Variants in HTR1E observed in about 807,000 individuals in gnomAD.
HTR1E encodes the protein 5-hydroxytryptamine receptor 1E.
HTR1E carries 3 observed loss-of-function variants against 3.4 expected under a neutral mutation model. The ratio of observed to expected loss-of-function variants is 0.89; its 90% confidence interval spans 0.41 to 2.31. The LOEUF (loss-of-function observed/expected upper bound fraction) is 2.31. Among genes scored for constraint, HTR1E ranks in the 30% most tolerant of loss-of-function variants. The pLI is 0.05. For synonymous variants in HTR1E, 170 were observed against 182.8 expected (o/e 0.93, Z 0.56); for missense variants, 392 against 467.0 (o/e 0.84, Z 1.48).
intron 1 of HTR1E, among the ~76,000 whole-genome samples, chr6:86,995,091 G>A (rs968640182): frequency 6.6e-6 from 1 of 151,838 alleles, no homozygotes; most frequent in South Asian, 2.1e-4. Context: ...GAAAACAAAT[G>A]AAAACCAAAA....
chr6:87,013,511 A>T (rs958684328), intron 1 of HTR1E, among the ~76,000 whole-genome samples: 1 of 152,176 alleles, frequency 6.6e-6, no homozygotes, highest in East Asian at 1.9e-4. Flanking sequence ...AACTTTCCAA[A>T]GTGCTGGGAT....
chr6:86,994,918 A>G (rs1280756947), intron 1 of HTR1E, among the ~76,000 whole-genome samples: 5 of 152,024 alleles, frequency 3.3e-5, no homozygotes, highest in Non-Finnish European at 7.4e-5. Context: ...AACAGATGGG[A>G]TAAGTTGTGT....
intron 1 of HTR1E, among the ~76,000 whole-genome samples, chr6:86,951,975 T>G (rs760374539): frequency 3.9e-5 from 6 of 152,198 alleles, no homozygotes; most frequent in Non-Finnish European, 8.8e-5. Context: ...AACTGCTTCC[T>G]CACTGATGTG....
chr6:86,976,552 C>T (rs1385805784), intron 1 of HTR1E, among the ~76,000 whole-genome samples: 1 of 152,210 alleles, frequency 6.6e-6, no homozygotes, highest in Non-Finnish European at 1.5e-5. Flanking sequence ...CAGTTTTGGA[C>T]ACCACACATC....
chr6:86,974,132 AT>A (rs199638573), intron 1 of HTR1E, among the ~76,000 whole-genome samples: 1 of 152,064 alleles, frequency 6.6e-6, no homozygotes, highest in East Asian at 1.9e-4. Flanking sequence ...GTATGTATAT[AT>A]TTTTTTATTT....
chr6:87,002,959 C>T (rs557500253), intron 1 of HTR1E, among the ~76,000 whole-genome samples: 1 of 152,198 alleles, frequency 6.6e-6, no homozygotes, highest in African/African-American at 2.4e-5. Flanking sequence ...TTAATCTGCA[C>T]TATAGACCAA....
chr6:86,997,537 A>G (rs1448730854), intron 1 of HTR1E, among the ~76,000 whole-genome samples: 1 of 151,898 alleles, frequency 6.6e-6, no homozygotes, highest in Non-Finnish European at 1.5e-5. Context: ...ATATTTTTAT[A>G]TCCTAAAAAT....
intron 1 of HTR1E, among the ~76,000 whole-genome samples, chr6:87,003,010 C>T (rs186938779): frequency 1.3e-5 from 2 of 152,280 alleles, no homozygotes; most frequent in East Asian, 3.9e-4. Context: ...CCTCCAATGG[C>T]TGCAGAATAC....
chr6:86,991,747 G>T (rs748693135), intron 1 of HTR1E, among the ~76,000 whole-genome samples: 16 of 152,152 alleles, frequency 1.1e-4, no homozygotes, highest in Non-Finnish European at 1.9e-4. Flanking sequence ...GAAGGTAAAA[G>T]CTCAAACCAA....
chr6:86,947,657 A>G (rs543745419), intron 1 of HTR1E, among the ~76,000 whole-genome samples: 1 of 152,124 alleles, frequency 6.6e-6, no homozygotes, highest in Non-Finnish European at 1.5e-5. Context: ...CAATGAAATC[A>G]GGAGTATGTT....
chr6:86,978,972 AGAATT>A (rs1279987832), intron 1 of HTR1E, among the ~76,000 whole-genome samples: 1 of 152,234 alleles, frequency 6.6e-6, no homozygotes, highest in Admixed American at 6.5e-5. Context: ...AGAGTCTTGG[AGAATT>A]CTGATGTTCT....
chr6:86,976,691 A>G (rs1256555081), intron 1 of HTR1E, among the ~76,000 whole-genome samples: 2 of 152,214 alleles, frequency 1.3e-5, no homozygotes, highest in African/African-American at 4.8e-5. Context: ...TTATAAAGAA[A>G]GAAACTACAC....
chr6:86,999,125 A>G (rs1026845864), intron 1 of HTR1E, among the ~76,000 whole-genome samples: 1 of 151,914 alleles, frequency 6.6e-6, no homozygotes, highest in African/African-American at 2.4e-5. Flanking sequence ...ACGCCAGGCT[A>G]ATTTTTTTTA....
intron 1 of HTR1E, among the ~76,000 whole-genome samples, chr6:86,951,164 C>G (rs924551967): frequency 2.0e-5 from 3 of 152,080 alleles, no homozygotes; most frequent in African/African-American, 7.2e-5. Context: ...ACAAGAGTAA[C>G]CAGTTCAAGA....
At chr6:86,957,036 C>T (rs1767336135) in intron 1 of HTR1E, among the ~76,000 whole-genome samples, 1 of 152,192 alleles carries the variant, frequency 6.6e-6, no homozygotes, top group East Asian at 1.9e-4. Flanking sequence ...TTAACCTTGT[C>T]GTTTAGTATA....
At chr6:87,004,975 T>C (rs1034404194) in intron 1 of HTR1E, among the ~76,000 whole-genome samples, 12 of 152,010 alleles carry the variant, frequency 7.9e-5, no homozygotes, top group Non-Finnish European at 1.5e-4. Context: ...ATTAAGAAAG[T>C]AATTCTATTA....
chr6:86,960,359 C>A (rs1187292481), intron 1 of HTR1E, among the ~76,000 whole-genome samples: 2 of 152,188 alleles, frequency 1.3e-5, no homozygotes, highest in Non-Finnish European at 2.9e-5. Flanking sequence ...TAAAGGCAGA[C>A]CCCTCCTGAC....
intron 1 of HTR1E, among the ~76,000 whole-genome samples, chr6:87,009,825 C>CAGA (rs1562074143): frequency 9.0e-6 from 1 of 111,552 alleles, no homozygotes; most frequent in African/African-American, 4.0e-5. Context: ...GCTGGCCGGG[C>CAGA]GGGGGGACTG....
intron 1 of HTR1E, among the ~76,000 whole-genome samples, chr6:86,987,180 T>C (rs1767800999): frequency 6.6e-6 from 1 of 152,182 alleles, no homozygotes; most frequent in Non-Finnish European, 1.5e-5. Flanking sequence ...TGAGCCCATG[T>C]GCAATCTTAG....
Sources: allele counts gnomAD v4.1 joint callset (sites outside exome capture counted in the v4.1 genomes callset), GRCh38; gene constraint gnomAD v4.1.1; transcripts MANE v1.5; gene names NCBI Gene and HGNC (gene_info 2026-07-23, HGNC 2026-07-21).